Variants in NIN observed in about 807,000 individuals in gnomAD.
NIN encodes ninein.
Under a neutral mutation model 257.6 loss-of-function variants are expected in NIN, and 137 were observed. The observed-to-expected ratio is 0.53, with a 90% CI of 0.46 to 0.61. The LOEUF is 0.61. Ranked by LOEUF, NIN falls within the 20% of genes least tolerant of loss-of-function variation. NIN has a pLI of 0.00. For synonymous variants in NIN, 918 were observed against 919.8 expected (o/e 1.00, Z 0.04); for missense variants, 2,439 against 2,501.2 (o/e 0.98, Z 0.53).
chr14:50,816,793 G>A (rs184642294), intron 3 of NIN, among the ~76,000 whole-genome samples: 12 of 152,216 alleles, frequency 7.9e-5, no homozygotes, highest in Middle Eastern at 3.4e-3. Flanking sequence ...AAATCAGGTC[G>A]GTAGAAGAGA....
intron 4 of NIN, among the ~76,000 whole-genome samples, chr14:50,799,840 T>G (rs2044006732): frequency 1.3e-5 from 2 of 152,128 alleles, no homozygotes; most frequent in Admixed American, 6.5e-5. Flanking sequence ...CTGGGTGTGG[T>G]GGTGCATGCC....
Position 50,811,405 on chromosome 14 carries a change from G to A in NIN, c.184-4587C>T, listed in dbSNP as rs575250265. ...ATTACAGGTGTGAGCCATCGCGCCC[G>A]GCCTTGAGGGTATTACTCTTACAAC... On this transcript the variant is annotated intron_variant, in intron 3 of 30. Coordinates refer to ENST00000530997, the MANE Select transcript of NIN (RefSeq NM_020921.4). Among the ~76,000 whole-genome samples the A allele has an allele frequency of 1.3e-4, 20 of 151,356 alleles. No homozygotes were observed. The East Asian group carries it at 4.0e-3, about 30-fold the overall frequency.
intron 27 of NIN, among the ~76,000 whole-genome samples, chr14:50,737,576 G>C (rs1367881488): frequency 6.9e-6 from 1 of 145,762 alleles, no homozygotes; most frequent in Non-Finnish European, 1.5e-5. Context: ...CAACTTATAA[G>C]GGCTTCTAAT....
chr14:50,829,454 C>T (rs1395217704), intron 2 of NIN, among the ~76,000 whole-genome samples: 1 of 152,154 alleles, frequency 6.6e-6, no homozygotes, highest in Non-Finnish European at 1.5e-5. Flanking sequence ...GGGGACCTAA[C>T]TGAGAAACGT....
At chr14:50,765,982 G>A (rs1239440383) in intron 14 of NIN, among the ~76,000 whole-genome samples, 2 of 151,182 alleles carry the variant, frequency 1.3e-5, no homozygotes, top group African/African-American at 2.4e-5. Context: ...TATATCTCCC[G>A]GTGCTATCCC....
Position 50,766,288 on chromosome 14 carries a change from G to C in NIN, c.1635+19C>G. The C allele has an allele frequency of 1.2e-6, 2 of 1,600,332 alleles. No homozygotes were observed. Among genetic ancestry groups the C allele is most frequent in the Non-Finnish European group, 1.7e-6 (2 of 1,167,556 alleles). ...ACCCAGGCACTCCTGCACTTACTCA[G>C]TTCTCTTTGTCTACCTACCCTGCAC... On this transcript the variant is annotated intron_variant, in intron 14 of 30. Coordinates refer to ENST00000530997, the MANE Select transcript of NIN (RefSeq NM_020921.4).
At chr14:50,793,111 C>T (rs571906352) in intron 4 of NIN, among the ~76,000 whole-genome samples, 1 of 152,142 alleles carries the variant, frequency 6.6e-6, no homozygotes, top group Non-Finnish European at 1.5e-5. Context: ...ATGACGGGAG[C>T]AATCCAACAA....
intron 14 of NIN, among the ~76,000 whole-genome samples, chr14:50,765,069 A>T (rs979239958): frequency 7.3e-6 from 1 of 136,180 alleles, no homozygotes; most frequent in African/African-American, 3.2e-5. Context: ...TACTTAAAAA[A>T]AAAAAAAAAA....
chr14:50,807,538 TGTA>T (rs2044385974), intron 3 of NIN, among the ~76,000 whole-genome samples: 1 of 152,230 alleles, frequency 6.6e-6, no homozygotes, highest in Non-Finnish European at 1.5e-5. Context: ...CTTAGATGTA[TGTA>T]ATCTCACCTT....
chr14:50,795,627 G>T (rs1018571559), intron 4 of NIN, among the ~76,000 whole-genome samples: 2 of 152,180 alleles, frequency 1.3e-5, no homozygotes, highest in Admixed American at 6.5e-5. Flanking sequence ...CATCCAGATG[G>T]AACCTTTATT....
chr14:50,777,927 G>A (rs533069635), intron 6 of NIN, among the ~76,000 whole-genome samples: 24 of 152,338 alleles, frequency 1.6e-4, no homozygotes, highest in South Asian at 8.3e-4. Flanking sequence ...GTTGAAAGCA[G>A]TATTTAGTGC....
chr14:50,808,676 A>G (rs1480072392), intron 3 of NIN, among the ~76,000 whole-genome samples: 1 of 152,208 alleles, frequency 6.6e-6, no homozygotes, highest in Non-Finnish European at 1.5e-5. Flanking sequence ...AGTGAATGAG[A>G]GTGACAAGTC....
chr14:50,758,234 C>T lies in NIN; in HGVS notation c.2796G>A (p.Leu932=), dbSNP rs780186630. Residue 932 remains leucine (L), a synonymous_variant, in exon 18 of 31, where the codon CTG becomes CTA. Transcript: ENST00000530997. ...LRNVSETQQS[L]LSDQILELKS... ...TCAGCTCAAGTATCTGGTCAGACAG[C>T]AGGCTTTGCTGGGTTTCAGATACAT... is the stretch of plus-strand genomic sequence containing the variant. 6.2e-7 allele frequency: 1 copy of T among 1,614,200 alleles called. No individual in the cohort carries two copies.
At chr14:50,763,741 G>C in intron 15 of NIN, 85 bp downstream of exon 15, 1 of 1,088,522 alleles carries the variant, frequency 9.2e-7, no homozygotes. Context: ...TTTTCAAGTT[G>C]CCAAAGCTTT....
rs922521246 is a variant in NIN, at chr14:50,766,523, C to T, written c.1546-127G>A. On this transcript the variant is annotated intron_variant, in intron 13 of 30. Coordinates refer to ENST00000530997, the MANE Select transcript of NIN (RefSeq NM_020921.4). ...ATGATAGGAATGTGACATGTAAGCA[C>T]GAACAACACCAACTGGGTGATGGGG... The T allele has an allele frequency of 1.8e-4, 144 of 794,056 alleles. 1 individual carries two copies. Among genetic ancestry groups the T allele is most frequent in the South Asian group, 1.7e-3 (110 of 64,894 alleles). The allele number at this position is 794,056 out of a possible 1,614,324, so 49.2% of individuals were successfully genotyped here.
At position 50,761,929 on chromosome 14, in the gene NIN, T is replaced by G. The variant is rs1187918263; in HGVS notation, c.1775-18A>C. 4 of 1,613,518 alleles carry G rather than the reference T, an allele frequency of 2.5e-6. No individual in the cohort carries two copies. The highest frequency in any genetic ancestry group is 1.7e-4 in the Middle Eastern group (1 of 6,058). ...ACCGAGCCCTGAAAACACATGGGAC[T>G]CATTGATCCTGCAGCAGGTTCTTTC... On this transcript the variant is annotated intron_variant, in intron 15 of 30. Coordinates refer to ENST00000530997, the MANE Select transcript of NIN (RefSeq NM_020921.4).
At chr14:50,741,298 G>A (rs533851769) in intron 25 of NIN, among the ~76,000 whole-genome samples, 157 of 152,212 alleles carry the variant, frequency 1.0e-3, no homozygotes, top group Non-Finnish European at 1.6e-3. Flanking sequence ...TATCACTATG[G>A]TTTCATTTAT....
At chr14:50,773,920 T>C (rs777044666) in intron 7 of NIN, among the ~76,000 whole-genome samples, 7 of 152,298 alleles carry the variant, frequency 4.6e-5, no homozygotes, top group Admixed American at 3.3e-4. Context: ...ACGTGGATCA[T>C]TGAAGCCACA....
intron 18 of NIN, among the ~76,000 whole-genome samples, chr14:50,756,181 T>C (rs1444354615): frequency 4.0e-5 from 6 of 151,088 alleles, no homozygotes; most frequent in Non-Finnish European, 1.5e-5. Flanking sequence ...CCCCTATCCA[T>C]CTAAATGAAA....
Sources: allele counts gnomAD v4.1 joint callset (sites outside exome capture counted in the v4.1 genomes callset), GRCh38; gene constraint gnomAD v4.1.1; transcripts MANE v1.5; gene names NCBI Gene and HGNC (gene_info 2026-07-23, HGNC 2026-07-21).